The following LINGO2 variants were observed in gnomAD, a reference collection of about 807,000 sequenced individuals.
The protein encoded by LINGO2 is leucine-rich repeat and immunoglobulin-like domain-containing nogo receptor-interacting protein 2.
A neutral mutation model predicts 30.6 loss-of-function variants in LINGO2; 14 were observed. The ratio of observed to expected loss-of-function variants is 0.46; its 90% confidence interval spans 0.30 to 0.72. The LOEUF (loss-of-function observed/expected upper bound fraction) is 0.72, where lower values mean the gene tolerates loss of function less well. LINGO2 is among the 30% of genes least tolerant of loss of function. The probability of loss-of-function intolerance (pLI) is 0.07; values close to 1 mark genes in which losing one functional copy is unlikely to be tolerated. For synonymous variants in LINGO2, 317 were observed against 288.5 expected (o/e 1.10, Z -1.00); for missense variants, 729 against 751.7 (o/e 0.97, Z 0.35).
At chr9:28,144,367 A>T (rs569323820) in intron 4 of LINGO2, among the ~76,000 whole-genome samples, 1 of 152,302 alleles carries the variant, frequency 6.6e-6, no homozygotes, top group African/African-American at 2.4e-5. Context: ...AATACAAATT[A>T]CCAAGATCTA....
At chr9:28,882,542 C>G in the LINGO2 span, among the ~76,000 whole-genome samples, 1 of 152,116 alleles carries the variant, frequency 6.6e-6, no homozygotes, top group Non-Finnish European at 1.5e-5. Context: ...TTCTATAGAA[C>G]CAAGTTAGCA....
intron 5 of LINGO2, among the ~76,000 whole-genome samples, chr9:27,998,287 G>A (rs1821770910): frequency 6.6e-6 from 1 of 152,166 alleles, no homozygotes; most frequent in Non-Finnish European, 1.5e-5. Context: ...CTCACTTTCG[G>A]TGAAGCCAGC....
chr9:29,108,560 C>T, the LINGO2 span, among the ~76,000 whole-genome samples: 1 of 152,160 alleles, frequency 6.6e-6, no homozygotes, highest in Non-Finnish European at 1.5e-5. Context: ...GCCACAAATG[C>T]ATTGCATTAT....
At chr9:28,322,999 G>A (rs949108275) in intron 3 of LINGO2, among the ~76,000 whole-genome samples, 3 of 152,108 alleles carry the variant, frequency 2.0e-5, no homozygotes, top group African/African-American at 7.2e-5. Flanking sequence ...GGTATGGCAG[G>A]AAAATCTTTA....
chr9:28,696,436 T>G, the LINGO2 span, among the ~76,000 whole-genome samples: 1 of 151,864 alleles, frequency 6.6e-6, no homozygotes, highest in Non-Finnish European at 1.5e-5. Context: ...TAACATTCAT[T>G]CCAAACCTAC....
At chr9:28,221,042 G>A (rs888980313) in intron 4 of LINGO2, among the ~76,000 whole-genome samples, 3 of 152,152 alleles carry the variant, frequency 2.0e-5, no homozygotes, top group African/African-American at 7.2e-5. Context: ...GCTCACGCCT[G>A]TAATCCCAGC....
chr9:28,705,637 G>T, the LINGO2 span, among the ~76,000 whole-genome samples: 1 of 152,084 alleles, frequency 6.6e-6, no homozygotes, highest in Non-Finnish European at 1.5e-5. Flanking sequence ...ATCTTTCCCT[G>T]ATCTTCACTT....
the LINGO2 span, among the ~76,000 whole-genome samples, chr9:29,210,850 A>C: frequency 6.6e-6 from 1 of 152,216 alleles, no homozygotes; most frequent in Non-Finnish European, 1.5e-5. Flanking sequence ...ACTGGTTTTG[A>C]ACAGGAAGTA....
At chr9:28,055,607 C>G (rs1318624566) in intron 4 of LINGO2, among the ~76,000 whole-genome samples, 1 of 151,442 alleles carries the variant, frequency 6.6e-6, no homozygotes, top group Non-Finnish European at 1.5e-5. Context: ...AATGTTTTCT[C>G]TCTATCATAG....
chr9:28,703,400 T>G, the LINGO2 span, among the ~76,000 whole-genome samples: 1 of 151,928 alleles, frequency 6.6e-6, no homozygotes, highest in Non-Finnish European at 1.5e-5. Context: ...GTGTGTTGTT[T>G]ATTCTCCATT....
the LINGO2 span, among the ~76,000 whole-genome samples, chr9:28,835,070 G>A: frequency 8.5e-5 from 13 of 152,182 alleles, no homozygotes; most frequent in Non-Finnish European, 1.6e-4. Context: ...TAGTTCTGGG[G>A]CTTAGACCTG....
At chr9:28,079,814 A>T (rs922013582) in intron 4 of LINGO2, among the ~76,000 whole-genome samples, 7 of 152,308 alleles carry the variant, frequency 4.6e-5, no homozygotes, top group Admixed American at 1.3e-4. Flanking sequence ...TGCATCCTTG[A>T]CATCTTCTGT....
intron 2 of LINGO2, among the ~76,000 whole-genome samples, chr9:28,375,138 AC>A (rs750645087): frequency 0.02 from 2,503 of 122,268 alleles, 32 homozygotes; most frequent in Non-Finnish European, 0.034. Flanking sequence ...ACACACATAC[AC>A]CCCACACTAA....
the LINGO2 span, among the ~76,000 whole-genome samples, chr9:28,815,641 CACCAGCACT>C: frequency 6.6e-6 from 1 of 152,168 alleles, no homozygotes; most frequent in African/African-American, 2.4e-5. Flanking sequence ...TAACAATTAC[CACCAGCACT>C]AGTACCAATA....
At chr9:28,245,203 A>C (rs1821953731) in intron 4 of LINGO2, among the ~76,000 whole-genome samples, 1 of 152,212 alleles carries the variant, frequency 6.6e-6, no homozygotes. Flanking sequence ...AATGATAAAA[A>C]CCACATGATC....
chr9:29,016,123 C>G, the LINGO2 span, among the ~76,000 whole-genome samples: 6 of 152,128 alleles, frequency 3.9e-5, no homozygotes, highest in Non-Finnish European at 8.8e-5. Flanking sequence ...AATTCCTTAA[C>G]CAGAAGCAAG....
At chr9:28,979,769 G>A in the LINGO2 span, among the ~76,000 whole-genome samples, 3 of 152,050 alleles carry the variant, frequency 2.0e-5, no homozygotes, top group Non-Finnish European at 4.4e-5. Context: ...TTTGTCCATT[G>A]AATCGTGTGC....
At chr9:28,226,691 GAA>G (rs1319324467) in intron 4 of LINGO2, among the ~76,000 whole-genome samples, 7 of 77,910 alleles carry the variant, frequency 9.0e-5, no homozygotes, top group South Asian at 3.3e-4. Context: ...AAGAAAGAAA[GAA>G]AGAAAGAAAG....
Position 28,178,088 on chromosome 9 carries a change from C to A in LINGO2, c.-87+117120G>T, listed in dbSNP as rs73645606. ...TCCTAGGAGCTATGAAGCCTACTAT[C>A]GGCCTCCCATCACTTTATCTCTGCC... On this transcript the variant is annotated intron_variant, in intron 4 of 5. Coordinates refer to ENST00000379992, the Ensembl canonical transcript of LINGO2. Among the ~76,000 whole-genome samples the A allele has an allele frequency of 6.1e-3, 925 of 152,260 alleles. 13 individuals carry two copies. Among genetic ancestry groups the A allele is most frequent in the African/African-American group, 0.021 (861 of 41,554 alleles).
Sources: gnomAD v4.1 joint callset for allele counts (sites outside exome capture counted in the v4.1 genomes callset) on GRCh38, gnomAD v4.1.1 for gene constraint, MANE v1.5 for transcripts, NCBI Gene and HGNC (gene_info 2026-07-23, HGNC 2026-07-21) for gene names.